The following MACROD2 variants were observed in gnomAD, a reference collection of about 807,000 sequenced individuals.
MACROD2 encodes mono-ADP ribosylhydrolase 2, also known as ADP-ribose glycohydrolase MACROD2.
MACROD2 carries 36 observed loss-of-function variants against 70.4 expected under a neutral mutation model. That is an observed-to-expected ratio of 0.51 (90% CI 0.39 to 0.68). The LOEUF is 0.68. MACROD2 is among the 30% of genes least tolerant of loss of function. The probability of loss-of-function intolerance (pLI) is 0.00; values close to 1 mark genes in which losing one functional copy is unlikely to be tolerated. For missense variants in MACROD2, 496 were observed against 538.4 expected, an observed-to-expected ratio of 0.92 and a Z score of 0.78; for synonymous variants, 172 against 178.8, an observed-to-expected ratio of 0.96 and a Z score of 0.30.
intron 5 of MACROD2, among the ~76,000 whole-genome samples, chr20:14,810,240 C>T (rs879868241): frequency 2.6e-5 from 4 of 152,064 alleles, no homozygotes; most frequent in Admixed American, 2.0e-4. Context: ...ACTTATCCAC[C>T]ATGATCAAGT....
At chr20:14,710,022 T>C (rs1033294861) in intron 5 of MACROD2, among the ~76,000 whole-genome samples, 7 of 152,282 alleles carry the variant, frequency 4.6e-5, no homozygotes, top group African/African-American at 1.7e-4. Context: ...CCATGCAAAA[T>C]AGAAATAGCT....
chr20:15,526,805 GC>G (rs746015661), intron 8 of MACROD2, among the ~76,000 whole-genome samples: 4 of 152,120 alleles, frequency 2.6e-5, no homozygotes, highest in African/African-American at 4.8e-5. Context: ...AAAAGAGGAT[GC>G]CCTTCTTTCC....
At chr20:15,747,224 G>C (rs1384460527) in intron 8 of MACROD2, among the ~76,000 whole-genome samples, 1 of 152,076 alleles carries the variant, frequency 6.6e-6, no homozygotes, top group Admixed American at 6.6e-5. Flanking sequence ...TCTGAATGTA[G>C]GTACCAGGAC....
chr20:15,491,037 C>T (rs555416521), intron 7 of MACROD2, among the ~76,000 whole-genome samples: 16 of 152,246 alleles, frequency 1.1e-4, no homozygotes, highest in South Asian at 2.1e-4. Flanking sequence ...GAAAATTAAA[C>T]GAGGTAACAC....
At chr20:14,477,710 A>G (rs1248872048) in intron 3 of MACROD2, among the ~76,000 whole-genome samples, 1 of 152,150 alleles carries the variant, frequency 6.6e-6, no homozygotes, top group African/African-American at 2.4e-5. Flanking sequence ...TATTTTATAT[A>G]TTAATTTTAA....
intron 5 of MACROD2, among the ~76,000 whole-genome samples, chr20:15,124,295 A>T (rs1339042915): frequency 1.3e-5 from 2 of 151,522 alleles, no homozygotes; most frequent in Non-Finnish European, 2.9e-5. Context: ...TCACTACCAG[A>T]TATGTTATTT....
At chr20:14,613,912 T>G (rs1047506566) in intron 4 of MACROD2, among the ~76,000 whole-genome samples, 12 of 152,158 alleles carry the variant, frequency 7.9e-5, no homozygotes, top group Non-Finnish European at 1.8e-4. Flanking sequence ...TAAGTCTCCC[T>G]TAATAAACTA....
intron 3 of MACROD2, among the ~76,000 whole-genome samples, chr20:14,261,947 T>C (rs1307207703): frequency 2.0e-5 from 3 of 152,128 alleles, no homozygotes; most frequent in African/African-American, 4.8e-5. Flanking sequence ...AGTGACCATC[T>C]CTTAGACCAT....
chr20:15,448,619 A>G (rs1047006685), intron 7 of MACROD2, among the ~76,000 whole-genome samples: 3 of 152,174 alleles, frequency 2.0e-5, no homozygotes, highest in African/African-American at 4.8e-5. Context: ...AAGAAGCACT[A>G]TGGTCTATCT....
intron 2 of MACROD2, among the ~76,000 whole-genome samples, chr20:14,059,156 A>G (rs964813603): frequency 6.6e-6 from 1 of 152,204 alleles, no homozygotes; most frequent in East Asian, 1.9e-4. Flanking sequence ...TTAAGGTGAA[A>G]CAATTTAACT....
chr20:15,751,689 T>G (rs187899814), intron 8 of MACROD2, among the ~76,000 whole-genome samples: 1 of 151,984 alleles, frequency 6.6e-6, no homozygotes, highest in Admixed American at 6.6e-5. Context: ...GCTTTGAAGG[T>G]CCTACATAAG....
chr20:14,400,640 G>C (rs1600202469), intron 3 of MACROD2, among the ~76,000 whole-genome samples: 1 of 152,248 alleles, frequency 6.6e-6, no homozygotes, highest in Middle Eastern at 3.4e-3. Context: ...CTGTCATGTG[G>C]AAAATGTCTC....
chr20:15,889,829 C>T (rs1362080504), intron 10 of MACROD2, among the ~76,000 whole-genome samples: 1 of 152,146 alleles, frequency 6.6e-6, no homozygotes, highest in African/African-American at 2.4e-5. Context: ...AAGCCATGCT[C>T]CTGGCAAATC....
chr20:15,576,241 C>T (rs1429297351), intron 8 of MACROD2, among the ~76,000 whole-genome samples: 7 of 152,082 alleles, frequency 4.6e-5, no homozygotes, highest in Non-Finnish European at 1.0e-4. Context: ...CTCATCACCC[C>T]CCAAAAGCAC....
chr20:14,462,594 C>T, intron 3 of MACROD2, among the ~76,000 whole-genome samples: 1 of 118,664 alleles, frequency 8.4e-6, no homozygotes, highest in African/African-American at 2.6e-5. Flanking sequence ...GTGTTTTAGA[C>T]ATGAAGTCCT....
intron 6 of MACROD2, among the ~76,000 whole-genome samples, chr20:15,241,635 G>A (rs548047515): frequency 6.6e-6 from 1 of 152,068 alleles, no homozygotes; most frequent in South Asian, 2.1e-4. Context: ...CAATCAGGAC[G>A]CTGTCTTGCA....
At chr20:15,618,102 T>TTC (rs1163582578) in intron 8 of MACROD2, among the ~76,000 whole-genome samples, 1 of 147,706 alleles carries the variant, frequency 6.8e-6, no homozygotes, top group Admixed American at 6.7e-5. Flanking sequence ...AGTCTTTTTT[T>TTC]TTTTTTTTTT....
At chr20:15,510,626 A>C (rs536940592) in intron 8 of MACROD2, among the ~76,000 whole-genome samples, 1 of 152,306 alleles carries the variant, frequency 6.6e-6, no homozygotes, top group East Asian at 1.9e-4. Flanking sequence ...CTCCTCTGGA[A>C]AGACTAGACT....
chr20:14,473,012 A>G (rs1022471566), intron 3 of MACROD2, among the ~76,000 whole-genome samples: 4 of 152,128 alleles, frequency 2.6e-5, no homozygotes, highest in African/African-American at 9.7e-5. Context: ...TTATTTATTT[A>G]TATTTTTAAA....
Sources: allele counts gnomAD v4.1 joint callset (sites outside exome capture counted in the v4.1 genomes callset), GRCh38; gene constraint gnomAD v4.1.1; transcripts MANE v1.5; gene names NCBI Gene and HGNC (gene_info 2026-07-23, HGNC 2026-07-21).